FAF1: variants seen among roughly 807,000 people sequenced by gnomAD.
FAF1 encodes FAS-associated factor 1.
FAF1 carries 25 observed loss-of-function variants against 92.5 expected under a neutral mutation model. The observed-to-expected ratio is 0.27, with a 90% CI of 0.20 to 0.38. The LOEUF is 0.38. Ranked by LOEUF, FAF1 falls within the 10% of genes least tolerant of loss-of-function variation. The pLI is 1.00. For missense variants in FAF1, 636 were observed against 793.3 expected, an observed-to-expected ratio of 0.80 and a Z score of 2.38; for synonymous variants, 234 against 273.2, an observed-to-expected ratio of 0.86 and a Z score of 1.42.
intron 4 of FAF1, among the ~76,000 whole-genome samples, chr1:50,751,894 T>C (rs1487024767): frequency 6.6e-6 from 1 of 152,232 alleles, no homozygotes; most frequent in Admixed American, 6.5e-5. Flanking sequence ...CTGGTAATAG[T>C]TCTTCCTTAA....
At chr1:50,908,773 C>T (rs1364517378) in intron 1 of FAF1, among the ~76,000 whole-genome samples, 1 of 152,100 alleles carries the variant, frequency 6.6e-6, no homozygotes, top group Non-Finnish European at 1.5e-5. Flanking sequence ...TGTGTCTCTG[C>T]ACATGAGATG....
chr1:50,473,381 C>T (rs2148997925), intron 18 of FAF1, among the ~76,000 whole-genome samples: 1 of 152,204 alleles, frequency 6.6e-6, no homozygotes, highest in East Asian at 1.9e-4. Context: ...TCTTTCAGTA[C>T]TTCCATTTTT....
chr1:50,841,038 G>T (rs1008804225), intron 2 of FAF1, among the ~76,000 whole-genome samples: 1 of 152,020 alleles, frequency 6.6e-6, no homozygotes, highest in Non-Finnish European at 1.5e-5. Flanking sequence ...GATAAAAATA[G>T]TTAATAGTGA....
chr1:50,792,051 A>C (rs2124579226), intron 3 of FAF1, among the ~76,000 whole-genome samples: 1 of 152,308 alleles, frequency 6.6e-6, no homozygotes, highest in Non-Finnish European at 1.5e-5. Context: ...AATTACGATG[A>C]TATGCCTATT....
chr1:50,841,610 AAAAGGAAGAT>A (rs991170646), intron 2 of FAF1, among the ~76,000 whole-genome samples: 6 of 152,030 alleles, frequency 3.9e-5, no homozygotes, highest in African/African-American at 1.2e-4. Context: ...GGTTGTAGCA[AAAAGGAAGAT>A]AAAGGCCTAG....
intron 18 of FAF1, among the ~76,000 whole-genome samples, chr1:50,447,159 TC>T (rs1445943692): frequency 7.8e-6 from 1 of 128,772 alleles, no homozygotes; most frequent in Admixed American, 9.0e-5. Context: ...GGAGTCTCCC[TC>T]TGTTGTCCAG....
In FAF1 at chr1:50,888,227, G is replaced by C. The variant is rs184513877; in HGVS notation, c.46-30230C>G. Among the ~76,000 whole-genome samples, 23 of 152,282 alleles carry C rather than the reference G, an allele frequency of 1.5e-4. No individual in the cohort carries two copies. The East Asian group carries it at 3.7e-3, about 24-fold the overall frequency. On this transcript the variant is annotated intron_variant, in intron 1 of 18. Transcript: ENST00000396153. The stretch of plus-strand genomic sequence containing the variant: ...CTTGTGATTTTTGCACATTGATTTT[G>C]TATCCTGAGACTTTGCTGAAGTTGC...
chr1:50,586,156 C>T (rs534071499), intron 9 of FAF1, among the ~76,000 whole-genome samples: 4 of 152,260 alleles, frequency 2.6e-5, no homozygotes, highest in East Asian at 1.9e-4. Context: ...AATCTGTCAT[C>T]GGCGGTTTTC....
At chr1:50,814,478 C>T (rs1643947933) in intron 2 of FAF1, among the ~76,000 whole-genome samples, 1 of 151,890 alleles carries the variant, frequency 6.6e-6, no homozygotes, top group Non-Finnish European at 1.5e-5. Context: ...TTCAAAAAAA[C>T]AAACCAACTA....
At chr1:50,753,657 T>G (rs1452970225) in intron 4 of FAF1, among the ~76,000 whole-genome samples, 1 of 152,166 alleles carries the variant, frequency 6.6e-6, no homozygotes, top group Non-Finnish European at 1.5e-5. Context: ...TTCAACTGGG[T>G]CATTTCTACA....
At chr1:50,684,081 C>T (rs1202528076) in intron 7 of FAF1, among the ~76,000 whole-genome samples, 1 of 152,084 alleles carries the variant, frequency 6.6e-6, no homozygotes, top group Admixed American at 6.6e-5. Flanking sequence ...AGATGGTTCA[C>T]ACTATTGGTT....
intron 2 of FAF1, among the ~76,000 whole-genome samples, chr1:50,802,095 CTT>C (rs112736640): frequency 1.4e-5 from 2 of 145,328 alleles, no homozygotes; most frequent in Non-Finnish European, 1.5e-5. Context: ...GATTACTATT[CTT>C]TTTTTTTTTT....
At chr1:50,821,530 A>G (rs111338002) in intron 2 of FAF1, among the ~76,000 whole-genome samples, 155 of 152,338 alleles carry the variant, frequency 1.0e-3, no homozygotes, top group African/African-American at 3.5e-3. Flanking sequence ...CTCATATATT[A>G]TTAAATATGC....
At chr1:50,917,697 A>AGGAAAGGAAAGGAAAGGAAG (rs1553151636) in intron 1 of FAF1, among the ~76,000 whole-genome samples, 3 of 145,954 alleles carry the variant, frequency 2.1e-5, no homozygotes, top group Non-Finnish European at 3.0e-5. Context: ...AGGAAAGGAA[A>AGGAAAGGAAAGGAAAGGAAG]GGAAAAGAAA....
At chr1:50,582,565 T>G in intron 12 of FAF1, 53 bp downstream of exon 12, 1 of 1,141,006 alleles carries the variant, frequency 8.8e-7, no homozygotes, top group Admixed American at 1.8e-5. Flanking sequence ...TCAGCCCTAG[T>G]GGTAAACCTG....
At chr1:50,483,216 GA>G (rs906905146) in intron 17 of FAF1, among the ~76,000 whole-genome samples, 1 of 150,686 alleles carries the variant, frequency 6.6e-6, no homozygotes, top group African/African-American at 2.5e-5. Context: ...ATTTTTTTTG[GA>G]TATAAATATT....
intron 7 of FAF1, among the ~76,000 whole-genome samples, chr1:50,689,320 C>T (rs1656811036): frequency 6.6e-6 from 1 of 152,166 alleles, no homozygotes; most frequent in African/African-American, 2.4e-5. Flanking sequence ...CGCAGTGGCT[C>T]ACGCCTGTAA....
chr1:50,676,533 A>G (rs1569739349), intron 7 of FAF1, among the ~76,000 whole-genome samples: 1 of 152,000 alleles, frequency 6.6e-6, no homozygotes, highest in East Asian at 1.9e-4. Flanking sequence ...ATAAAAATAT[A>G]TTCAAGGCTG....
At chr1:50,837,119 A>G (rs964275445) in intron 2 of FAF1, among the ~76,000 whole-genome samples, 2 of 151,714 alleles carry the variant, frequency 1.3e-5, no homozygotes, top group African/African-American at 4.8e-5. Context: ...CACCATGCCC[A>G]GCTAATTTTT....
Sources: allele counts gnomAD v4.1 joint callset (sites outside exome capture counted in the v4.1 genomes callset), GRCh38; gene constraint gnomAD v4.1.1; transcripts MANE v1.5; gene names NCBI Gene and HGNC (gene_info 2026-07-23, HGNC 2026-07-21).